Variants in THYN1 observed in about 807,000 individuals in gnomAD.
THYN1 encodes thymocyte nuclear protein 1.
Under a neutral mutation model 30.6 loss-of-function variants are expected in THYN1, and 32 were observed. The observed-to-expected ratio is 1.05, with a 90% CI of 0.79 to 1.40. The LOEUF is 1.40. THYN1 is among the 40% of genes most tolerant of loss of function. THYN1 has a pLI of 0.00. For missense variants in THYN1, 259 were observed against 272.6 expected, an observed-to-expected ratio of 0.95 and a Z score of 0.35; for synonymous variants, 107 against 90.8, an observed-to-expected ratio of 1.18 and a Z score of -1.01.
At position 134,253,032 on chromosome 11, in the gene THYN1, G is replaced by A. The variant is rs1939196435; in HGVS notation, c.-150C>T. Reference sequence around the variant, plus strand: ...TCTCCAACTTTTGCGAAACACAGACGCCTACGTTTGAGCCCTCAAATCCTT... The same window carrying A: ...TCTCCAACTTTTGCGAAACACAGACACCTACGTTTGAGCCCTCAAATCCTT... On this transcript the variant is annotated 5_prime_UTR_variant, in exon 1 of 7. Coordinates refer to ENST00000341541, the MANE Select transcript of THYN1 (RefSeq NM_014174.3). The A allele has an allele frequency of 1.3e-5, 18 of 1,416,820 alleles. No individual in the cohort carries two copies. Among genetic ancestry groups the A allele is most frequent in the Admixed American group, 3.2e-5 (1 of 31,662 alleles). 87.8% of individuals were successfully genotyped at this position (1,416,820 alleles called of 1,614,324 possible).
intron 1 of THYN1, among the ~76,000 whole-genome samples, chr11:134,252,125 G>A (rs1939101298): frequency 6.6e-6 from 1 of 152,150 alleles, no homozygotes; most frequent in African/African-American, 2.4e-5. Context: ...TGACTATACT[G>A]CCTCTGAATT....
chr11:134,250,068 C>A, intron 3 of THYN1, 148 bp from the exon 4 acceptor site: 1 of 980,648 alleles, frequency 1.0e-6, no homozygotes, highest in South Asian at 1.7e-5. Context: ...TGCCAGGACA[C>A]CCAGACTTTT....
At chr11:134,248,639 G>C (rs960857412) in intron 6 of THYN1, among the ~76,000 whole-genome samples, 155 bp from the exon 7 acceptor site, 5 of 152,204 alleles carry the variant, frequency 3.3e-5, no homozygotes, top group African/African-American at 4.8e-5. Context: ...ATAGAGTACT[G>C]GGTAATAGTA....
At chr11:134,252,200 A>G (rs982723493) in intron 1 of THYN1, among the ~76,000 whole-genome samples, 4 of 152,194 alleles carry the variant, frequency 2.6e-5, no homozygotes, top group African/African-American at 9.7e-5. Flanking sequence ...CTCTGAACCC[A>G]GCATACCTTC....
chr11:134,248,761 T>C (rs369908466), intron 6 of THYN1, 48 bp downstream of exon 6: 2 of 1,605,092 alleles, frequency 1.2e-6, no homozygotes, highest in African/African-American at 2.7e-5. Context: ...TGGGAATTCA[T>C]GAGGTCATTC....
Position 134,250,264 on chromosome 11 carries a change from T to C in THYN1, c.291+11A>G, listed in dbSNP as rs747158478. The C allele has an allele frequency of 8.7e-6, 14 of 1,613,986 alleles. No individual in the cohort carries two copies. Among genetic ancestry groups the C allele is most frequent in the Admixed American group, 1.7e-5 (1 of 59,996 alleles). ...CCTGGGTCTCAGGCGACCTCCTCCT[T>C]ACCCTCTTACCTGGTAGTTACGAAC... On this transcript the variant is annotated intron_variant, in intron 3 of 6. Transcript: ENST00000341541.
chr11:134,249,007 G>A (rs774102257), intron 5 of THYN1, 48 bp from the exon 6 acceptor site: 7 of 1,607,500 alleles, frequency 4.4e-6, no homozygotes, highest in Non-Finnish European at 6.0e-6. Context: ...TAGGCTGACT[G>A]TGCCCACTGT....
Position 134,251,231 on chromosome 11 carries a change from G to A in THYN1, c.121C>T (p.Gln41Ter), listed in dbSNP as rs149874205. The A allele has an allele frequency of 6.8e-6, 11 of 1,614,102 alleles. No individual in the cohort carries two copies. The highest frequency in any genetic ancestry group is 2.7e-5 in the African/African-American group (2 of 74,944). Residue 41 changes from glutamine to a stop codon, truncating the protein, a stop_gained, in exon 2 of 7, where the codon CAG (glutamine) becomes TAG (stop). Coordinates refer to ENST00000341541, the MANE Select transcript of THYN1 (RefSeq NM_014174.3). LOFTEE classifies it high-confidence loss of function. ...ALAKVEDSNP[Q>*]KTSATKNCLK... is the part of the protein sequence containing the mutation. ...CAGTTTTTAGTGGCTGAAGTCTTCTGAGGGTTGGAGTCCTCCACTTTAGCT... is the reference window on the plus strand; with the variant it reads ...CAGTTTTTAGTGGCTGAAGTCTTCTAAGGGTTGGAGTCCTCCACTTTAGCT...
At chr11:134,250,019 G>A (rs1054981062) in intron 3 of THYN1, 99 bp from the exon 4 acceptor site, 2 of 1,201,438 alleles carry the variant, frequency 1.7e-6, no homozygotes, top group African/African-American at 3.1e-5. Flanking sequence ...GGTGATTCTT[G>A]TCTGCAACTC....
chr11:134,252,605 T>C (rs1275375459), intron 1 of THYN1, among the ~76,000 whole-genome samples: 1 of 152,202 alleles, frequency 6.6e-6, no homozygotes. Context: ...GCACGCCACC[T>C]GGTATCTCAA....
chr11:134,252,763 G>A (rs1177641409), intron 1 of THYN1, 77 bp downstream of exon 1: 3 of 1,538,926 alleles, frequency 1.9e-6, no homozygotes, highest in Non-Finnish European at 2.7e-6. Flanking sequence ...AGCAGGGAGT[G>A]AAAAATGAGT....
chr11:134,249,496 A>AGGTTATTACT (rs1451988576), intron 4 of THYN1, among the ~76,000 whole-genome samples: 2 of 152,220 alleles, frequency 1.3e-5, no homozygotes, highest in Non-Finnish European at 2.9e-5. Context: ...CAAATGGCAA[A>AGGTTATTACT]GGTTATTACT....
chr11:134,249,715 G>A, intron 4 of THYN1, 113 bp downstream of exon 4: 1 of 1,015,974 alleles, frequency 9.8e-7, no homozygotes, highest in Non-Finnish European at 1.5e-6. Context: ...AAGGGGGATG[G>A]GGTGGGGGGG....
In THYN1 at chr11:134,248,674, T is replaced by G. The variant is rs1291940551; in HGVS notation, c.631+135A>C. The G allele has an allele frequency of 4.3e-6, 6 of 1,381,580 alleles. No homozygotes were observed. The African/African-American group carries it at 8.7e-5, about 20-fold the overall frequency. 85.6% of individuals were successfully genotyped at this position (1,381,580 alleles called of 1,614,324 possible). ...AACAGGTAACTCTGGCCACATTCCC[T>G]CCCTCATGGGTGTTACAGGTGAGGA... On this transcript the variant is annotated intron_variant, in intron 6 of 6. Coordinates refer to ENST00000341541, the MANE Select transcript of THYN1 (RefSeq NM_014174.3).
rs369486768 is a variant in THYN1 at position 134,249,927 on chromosome 11, C to T, written c.292-7G>A. ...CTCTAAGGAAGTTCCGAGCCTGTCCCGGGAGAAGAAAGAGTAACTATCCTC... is the reference window on the plus strand; with the variant it reads ...CTCTAAGGAAGTTCCGAGCCTGTCCTGGGAGAAGAAAGAGTAACTATCCTC... On this transcript the variant is annotated splice_region_variant and splice_polypyrimidine_tract_variant and intron_variant, in intron 3 of 6. Transcript: ENST00000341541. 1.9e-5 allele frequency: 31 copies of T among 1,610,346 alleles called. No individual in the cohort carries two copies. The highest frequency in any genetic ancestry group is 1.5e-4 in the African/African-American group (11 of 74,820).
In THYN1 at chr11:134,252,891, T is replaced by C. The variant is rs1939181012; in HGVS notation, c.-9A>G. On this transcript the variant is annotated 5_prime_UTR_variant, in exon 1 of 7. Transcript: ENST00000341541. ...TTCCGGGGTCTCGACATGGTCACGCTGCAGGGGACTTTAGTGCGGACGATT... is the reference window on the plus strand; with the variant it reads ...TTCCGGGGTCTCGACATGGTCACGCCGCAGGGGACTTTAGTGCGGACGATT... The C allele has an allele frequency of 1.3e-6, 2 of 1,589,612 alleles. No homozygotes were observed. The highest frequency in any genetic ancestry group is 1.7e-6 in the Non-Finnish European group (2 of 1,172,320).
rs1302487572 is a variant in THYN1, at chr11:134,249,806, C to T, written c.384+22G>A. The T allele has an allele frequency of 3.1e-6, 5 of 1,612,570 alleles. No individual in the cohort carries two copies. In the African/African-American group the frequency reaches 6.7e-5, roughly 22 times the overall value. On this transcript the variant is annotated intron_variant, in intron 4 of 6. Coordinates refer to ENST00000341541, the MANE Select transcript of THYN1 (RefSeq NM_014174.3). ...GTCTCCCTGGAGGAAAAGGGATTCA[C>T]ACCAAAACCTGCCCAACTAACCTTC...
At chr11:134,249,109 C>T (rs780751551) in intron 5 of THYN1, 58 bp downstream of exon 5, 117 of 1,572,486 alleles carry the variant, frequency 7.4e-5, no homozygotes, top group Non-Finnish European at 9.6e-5. Context: ...TCACCCCAAC[C>T]GTCTTCTTCC....
At chr11:134,252,733 A>G (rs1004054439) in intron 1 of THYN1, 107 bp downstream of exon 1, 1 of 1,289,154 alleles carries the variant, frequency 7.8e-7, no homozygotes, top group Non-Finnish European at 1.1e-6. Flanking sequence ...GAGTAAAAAT[A>G]TCACAAAGGG....
Sources: allele counts gnomAD v4.1 joint callset (sites outside exome capture counted in the v4.1 genomes callset), GRCh38; gene constraint gnomAD v4.1.1; transcripts MANE v1.5; gene names NCBI Gene and HGNC (gene_info 2026-07-23, HGNC 2026-07-21).